EZR: variants seen among roughly 807,000 people sequenced by gnomAD.
EZR encodes ezrin.
EZR carries 40 observed loss-of-function variants against 74.8 expected under a neutral mutation model. The observed-to-expected ratio is 0.53, with a 90% CI of 0.42 to 0.70. EZR has a LOEUF of 0.70. Among genes scored for constraint, EZR ranks in the 30% least tolerant of loss-of-function variants. EZR has a pLI of 0.00. For synonymous variants in EZR, 341 were observed against 283.3 expected (o/e 1.20, Z -2.05); for missense variants, 678 against 755.8 (o/e 0.90, Z 1.21).
intron 10 of EZR, 76 bp from the exon 11 acceptor site, chr6:158,770,020 C>T (rs2128565088): frequency 6.4e-7 from 1 of 1,570,966 alleles, no homozygotes; most frequent in Non-Finnish European, 8.6e-7. Context: ...CATTCCCACC[C>T]CCAAAGCCAC....
Position 158,789,372 on chromosome 6 carries a change from C to G in EZR, c.13-1G>C. 3.1e-6 allele frequency: 5 copies of G among 1,613,660 alleles called. No individual in the cohort carries two copies. Among genetic ancestry groups the G allele is most frequent in the Non-Finnish European group, 4.2e-6 (5 of 1,179,578 alleles). ...CCATGGTGGTAACTCGGACATTGAT[C>G]TGAAAAACAGAATGAAACAAATTAC... is the stretch of plus-strand genomic sequence containing the variant. On this transcript the variant is annotated splice_acceptor_variant, in intron 2 of 13. Transcript: ENST00000367075. LOFTEE classifies it high-confidence loss of function.
intron 6 of EZR, 24 bp from the exon 7 acceptor site, chr6:158,783,690 CAG>C (rs1791489708): frequency 3.7e-6 from 6 of 1,609,992 alleles, no homozygotes; most frequent in Admixed American, 1.7e-5. Context: ...GTGAAACAGG[CAG>C]AGTCACTGGT....
chr6:158,797,017 T>C (rs1460135964), intron 2 of EZR, among the ~76,000 whole-genome samples: 3 of 152,234 alleles, frequency 2.0e-5, no homozygotes, highest in Admixed American at 6.5e-5. Context: ...TGCTGAATAT[T>C]TGGCCAAATT....
intron 1 of EZR, 69 bp from the exon 2 acceptor site, chr6:158,818,235 C>A (rs867141031): frequency 1.4e-5 from 12 of 840,914 alleles, no homozygotes; most frequent in Middle Eastern, 2.6e-4. Context: ...GCCCGACACT[C>A]GGCGCCCGCA....
rs1790745473 is a variant in EZR at position 158,765,843 on chromosome 6, T to C, written c.*1071A>G. On this transcript the variant is annotated 3_prime_UTR_variant, in exon 14 of 14. Coordinates refer to ENST00000367075, the MANE Select transcript of EZR (RefSeq NM_001111077.2). ...GGAGAAAGCAGTGCACGAGAAGGAA[T>C]GAGTGGGCGGAACCAACGGCCTCCA... 1 of 152,230 alleles carries C rather than the reference T, an allele frequency of 6.6e-6. No homozygotes were observed. The highest frequency in any genetic ancestry group is 1.5e-5 in the Non-Finnish European group (1 of 68,040). 9.4% of individuals were successfully genotyped at this position (152,230 alleles called of 1,614,324 possible).
chr6:158,772,141 G>A (rs906855365), intron 8 of EZR, among the ~76,000 whole-genome samples: 1 of 152,232 alleles, frequency 6.6e-6, no homozygotes, highest in Non-Finnish European at 1.5e-5. Context: ...CAGTGGCACT[G>A]TCACTTCACT....
At chr6:158,785,258 G>A (rs569685835) in intron 5 of EZR, 51 bp downstream of exon 5, 2 of 1,598,842 alleles carry the variant, frequency 1.3e-6, no homozygotes, top group South Asian at 2.2e-5. Flanking sequence ...ACTTCTCCCT[G>A]CCGAGGACGG....
chr6:158,794,235 G>A (rs1173386147), intron 2 of EZR, among the ~76,000 whole-genome samples: 1 of 152,040 alleles, frequency 6.6e-6, no homozygotes, highest in East Asian at 1.9e-4. Context: ...GAGCAAGATC[G>A]CGCCACTGCA....
intron 2 of EZR, among the ~76,000 whole-genome samples, chr6:158,804,833 T>TA (rs1777298601): frequency 6.6e-6 from 1 of 151,464 alleles, no homozygotes; most frequent in Non-Finnish European, 1.5e-5. Flanking sequence ...TACATATGTA[T>TA]ACATGTGCCA....
intron 12 of EZR, among the ~76,000 whole-genome samples, chr6:158,767,772 CATT>C (rs746141082): frequency 2.0e-5 from 3 of 152,118 alleles, no homozygotes; most frequent in African/African-American, 2.4e-5. Flanking sequence ...TAACTCTAGA[CATT>C]ATATAATTTT....
intron 2 of EZR, among the ~76,000 whole-genome samples, chr6:158,811,002 G>A (rs1436779159): frequency 6.6e-6 from 1 of 152,110 alleles, no homozygotes; most frequent in African/African-American, 2.4e-5. Context: ...ATAGCTCTTT[G>A]TGGTTTCATT....
In EZR at chr6:158,767,280, C is replaced by A. The variant is rs759048083; in HGVS notation, c.1577G>T (p.Arg526Leu). 3.1e-6 allele frequency: 5 copies of A among 1,613,678 alleles called. No individual in the cohort carries two copies. The highest frequency in any genetic ancestry group is 1.7e-5 in the Admixed American group (1 of 59,998). Residue 526 changes from arginine to leucine, a missense_variant, in exon 13 of 14, where the codon CGT (arginine) becomes CTT (leucine). By Grantham distance (102) the Arg-to-Leu change is moderately radical (BLOSUM62 -2). Around this residue, in one of 3 missense-constraint regions of EZR, gnomAD observed 342 missense variants for 341.2 expected, o/e 1.00. Transcript: ENST00000367075. Reference sequence around the variant, plus strand: ...CCTCACCAGCAGCTGCCGCTGCACACGCTCGTTCTTCTCTGCCTCAGTGAT... The same window carrying A: ...CCTCACCAGCAGCTGCCGCTGCACAAGCTCGTTCTTCTCTGCCTCAGTGAT... ...KRITEAEKNE[R>L]VQRQLLTLSS...
chr6:158,818,827 G>T (rs1463375119), intron 1 of EZR, among the ~76,000 whole-genome samples: 2 of 150,188 alleles, frequency 1.3e-5, no homozygotes, highest in Non-Finnish European at 3.0e-5. Context: ...GGAGGGGTCA[G>T]GGGAGAGGGG....
intron 2 of EZR, among the ~76,000 whole-genome samples, chr6:158,797,120 T>C (rs1292518236): frequency 1.3e-5 from 2 of 152,200 alleles, no homozygotes. Flanking sequence ...ATTTTAAACT[T>C]ATAGGTTACC....
In EZR at chr6:158,803,527, TTATATATATATATATATGTATATATATA is replaced by T. The variant is rs1562504153; in HGVS notation, c.13-14184_13-14157del. On this transcript the variant is annotated intron_variant, in intron 2 of 13. Transcript: ENST00000367075. The stretch of plus-strand genomic sequence containing the variant: ...ACTCCAGGGTAAATATTATGTAACA[TTATATATATATATATATGTATATATATA>T]TATATATATATATATATATATATAT... Among the ~76,000 whole-genome samples the T allele has an allele frequency of 9.8e-3, 201 of 20,436 alleles. 10 individuals carry two copies. The highest frequency in any genetic ancestry group is 0.054 in the South Asian group (35 of 654). The allele number at this position is 20,436 out of a possible 152,430, so 13.4% of individuals were successfully genotyped here. A position where few individuals can be genotyped will look rare whatever the true frequency, so the allele number is the denominator to read the frequency against.
rs1791604940 is a variant in EZR at position 158,787,157 on chromosome 6, T to TCTC, written c.142_143insGAG (p.His48delinsArgAsp). 1.9e-6 allele frequency: 3 copies of TCTC among 1,613,620 alleles called. No individual in the cohort carries two copies. The highest frequency in any genetic ancestry group is 2.5e-6 in the Non-Finnish European group (3 of 1,179,532). ...AGGAAATCCTTTATTATCCACATAGTGGAGGCCAAAGTACCACACTTCCCG... is the reference window on the plus strand; with the variant it reads ...AGGAAATCCTTTATTATCCACATAGTCTCGGAGGCCAAAGTACCACACTTCCCG... On this transcript the variant is annotated protein_altering_variant, in exon 4 of 14. Coordinates refer to ENST00000367075, the MANE Select transcript of EZR (RefSeq NM_001111077.2).
chr6:158,797,125 G>A (rs3102996), intron 2 of EZR, among the ~76,000 whole-genome samples: 118,208 of 152,094 alleles, frequency 0.78, 47,823 homozygotes, highest in African/African-American at 0.91. Context: ...AAACTTATAG[G>A]TTACCTCTAC....
intron 2 of EZR, among the ~76,000 whole-genome samples, chr6:158,814,273 G>C (rs1248003619): frequency 6.6e-6 from 1 of 151,626 alleles, no homozygotes. Context: ...GTGGAGTGCT[G>C]CCGCGTGCGC....
At chr6:158,812,342 A>G (rs980464439) in intron 2 of EZR, among the ~76,000 whole-genome samples, 5 of 152,116 alleles carry the variant, frequency 3.3e-5, no homozygotes, top group African/African-American at 1.2e-4. Flanking sequence ...GGAATATATA[A>G]TAACTGCCCT....
Sources: gnomAD v4.1 joint callset for allele counts (sites outside exome capture counted in the v4.1 genomes callset) on GRCh38, gnomAD v4.1.1 for gene constraint, gnomAD v4.1.1 regional missense constraint, MANE v1.5 for transcripts, NCBI Gene and HGNC (gene_info 2026-07-23, HGNC 2026-07-21) for gene names.